TEX9: variants seen among roughly 807,000 people sequenced by gnomAD.
TEX9 encodes the protein testis-expressed protein 9.
A neutral mutation model predicts 59.6 loss-of-function variants in TEX9; 74 were observed. The ratio of observed to expected loss-of-function variants is 1.24; its 90% CI spans 1.03 to 1.51. The LOEUF is 1.51. Among genes scored for constraint, TEX9 ranks in the 40% most tolerant of loss-of-function variants. The pLI is 0.00. For synonymous variants in TEX9, 186 were observed against 152.2 expected, an observed-to-expected ratio of 1.22 and a Z score of -1.64; for missense variants, 522 against 447.8, an observed-to-expected ratio of 1.17 and a Z score of -1.49.
At chr15:56,365,320 G>A (rs2046882414), upstream of TEX9, 3 of 1,269,808 alleles carry the variant, frequency 2.4e-6, no homozygotes, top group Non-Finnish European at 3.2e-6. Flanking sequence ...GCTGCCAGAG[G>A]CTCGCGCCGC....
At chr15:56,351,862 T>C (rs2046587040) in intron 1 of TEX9, among the ~76,000 whole-genome samples, 1 of 152,212 alleles carries the variant, frequency 6.6e-6, no homozygotes, top group Non-Finnish European at 1.5e-5. Context: ...AGTTGAGTTC[T>C]CTACAAAATG....
intron 1 of TEX9, among the ~76,000 whole-genome samples, chr15:56,312,941 C>T (rs1218770833): frequency 7.7e-6 from 1 of 130,038 alleles, no homozygotes; most frequent in African/African-American, 3.0e-5. Flanking sequence ...ATTTGGCTCT[C>T]TGTTTGTCTG....
At chr15:56,358,536 C>A (rs1292027893) in intron 1 of TEX9, among the ~76,000 whole-genome samples, 1 of 152,074 alleles carries the variant, frequency 6.6e-6, no homozygotes, top group African/African-American at 2.4e-5. Flanking sequence ...CTAGTTTTCC[C>A]TATTATTACG....
chr15:56,278,106 A>C (rs537171011), intron 1 of TEX9, among the ~76,000 whole-genome samples: 1 of 152,226 alleles, frequency 6.6e-6, no homozygotes, highest in South Asian at 2.1e-4. Context: ...TTTTTATTCA[A>C]CCTATTCTTT....
chr15:56,429,319 A>C, intron 12 of TEX9: 1 of 622,982 alleles, frequency 1.6e-6, no homozygotes, highest in South Asian at 2.2e-5. Context: ...CAACAGATTA[A>C]TGAAACTTTA....
chr15:56,405,095 C>T (rs1174071903), intron 9 of TEX9, among the ~76,000 whole-genome samples: 3 of 151,812 alleles, frequency 2.0e-5, no homozygotes, highest in African/African-American at 4.8e-5. Context: ...CAAACCTGCA[C>T]GTTGTGCACA....
At chr15:56,290,661 C>A (rs1443069533) in intron 1 of TEX9, among the ~76,000 whole-genome samples, 7 of 152,064 alleles carry the variant, frequency 4.6e-5, no homozygotes, top group African/African-American at 1.7e-4. Context: ...CACTATGTTG[C>A]CCAGGGTGGT....
chr15:56,427,803 A>G, intron 11 of TEX9, 64 bp downstream of exon 11: 2 of 1,295,308 alleles, frequency 1.5e-6, no homozygotes, highest in Middle Eastern at 2.8e-4. Context: ...AAAATTTAGC[A>G]TTTTTCACTT....
Position 56,382,577 on chromosome 15 carries a change from G to C in TEX9, c.184-1375G>C, listed in dbSNP as rs1011994157. Among the ~76,000 whole-genome samples the C allele has an allele frequency of 9.2e-5, 14 of 152,134 alleles. No homozygotes were observed. In the East Asian group the frequency reaches 9.6e-4, roughly 10 times the overall value. ...CCCAAGGTCCCTTTATTTAGCAGGT[G>C]ATGAATGCTGTCAGAACTGGGTCCT... is the stretch of plus-strand genomic sequence containing the variant. On this transcript the variant is annotated intron_variant, in intron 3 of 12. Transcript: ENST00000352903.
At chr15:56,337,945 G>C (rs2046289039) in intron 1 of TEX9, among the ~76,000 whole-genome samples, 2 of 152,152 alleles carry the variant, frequency 1.3e-5, no homozygotes, top group Middle Eastern at 3.2e-3. Flanking sequence ...ATTTCAGGTT[G>C]ATAAGACATT....
chr15:56,418,382 A>G (rs1378945711), intron 10 of TEX9, among the ~76,000 whole-genome samples: 1 of 151,490 alleles, frequency 6.6e-6, no homozygotes, highest in African/African-American at 2.4e-5. Context: ...GGTGGTAAAG[A>G]GTTCCTTCAA....
chr15:56,413,141 G>T (rs534336773), intron 10 of TEX9, among the ~76,000 whole-genome samples: 2 of 73,522 alleles, frequency 2.7e-5, no homozygotes, highest in East Asian at 6.2e-4. Context: ...GACCTGAAAG[G>T]GTAATAAGTG....
chr15:56,342,434 C>T (rs747279000), intron 1 of TEX9, among the ~76,000 whole-genome samples: 7 of 151,900 alleles, frequency 4.6e-5, no homozygotes, highest in Non-Finnish European at 7.4e-5. Context: ...TTTCTATTGC[C>T]GCTTGCAACA....
chr15:56,448,395 C>T (rs2050923278), downstream of TEX9, among the ~76,000 whole-genome samples: 1 of 152,164 alleles, frequency 6.6e-6, no homozygotes, highest in South Asian at 2.1e-4. Flanking sequence ...ACTCCTCCTC[C>T]ACCCTCTCAT....
chr15:56,424,689 G>A (rs1474783952), intron 10 of TEX9, among the ~76,000 whole-genome samples: 2 of 151,956 alleles, frequency 1.3e-5, no homozygotes, highest in African/African-American at 4.8e-5. Flanking sequence ...TACATCTTTA[G>A]GTTATGTACC....
chr15:56,371,731 C>T (rs1390475341), intron 2 of TEX9, among the ~76,000 whole-genome samples: 1 of 152,138 alleles, frequency 6.6e-6, no homozygotes, highest in Non-Finnish European at 1.5e-5. Context: ...GATTCCACGT[C>T]AGCTTTCTTC....
chr15:56,293,283 G>A (rs1005085606), intron 1 of TEX9, among the ~76,000 whole-genome samples: 7 of 152,088 alleles, frequency 4.6e-5, no homozygotes, highest in Non-Finnish European at 1.0e-4. Context: ...GACACAGTAA[G>A]CCATGATTGT....
chr15:56,325,144 A>G (rs1426730010), intron 1 of TEX9, among the ~76,000 whole-genome samples: 4 of 152,220 alleles, frequency 2.6e-5, no homozygotes, highest in Non-Finnish European at 5.9e-5. Context: ...TCTGTGTAGC[A>G]TTGATTACCA....
At chr15:56,340,387 T>C (rs534775693) in intron 1 of TEX9, among the ~76,000 whole-genome samples, 1 of 152,326 alleles carries the variant, frequency 6.6e-6, no homozygotes, top group African/African-American at 2.4e-5. Context: ...TGATAATACA[T>C]CATTGGTTGT....
Sources: gnomAD v4.1 joint callset for allele counts (sites outside exome capture counted in the v4.1 genomes callset) on GRCh38, gnomAD v4.1.1 for gene constraint, MANE v1.5 for transcripts, NCBI Gene and HGNC (gene_info 2026-07-23, HGNC 2026-07-21) for gene names.